NEURL1: variants seen among roughly 807,000 people sequenced by gnomAD.
The protein encoded by NEURL1 is neuralized E3 ubiquitin protein ligase 1.
Under a neutral mutation model 41.2 loss-of-function variants are expected in NEURL1, and 26 were observed. The ratio of observed to expected loss-of-function variants is 0.63; its 90% CI spans 0.46 to 0.87. The LOEUF (loss-of-function observed/expected upper bound fraction) is 0.87. Ranked by LOEUF, NEURL1 falls within the 40% of genes least tolerant of loss-of-function variation. The probability of loss-of-function intolerance (pLI) is 0.00; values close to 1 mark genes in which losing one functional copy is unlikely to be tolerated. For missense variants in NEURL1, 761 were observed against 871.1 expected (o/e 0.87, Z 1.59); for synonymous variants, 400 against 402.3 (o/e 0.99, Z 0.07).
At chr10:103,516,332 T>A (rs2034206376) in intron 1 of NEURL1, among the ~76,000 whole-genome samples, 1 of 151,308 alleles carries the variant, frequency 6.6e-6, no homozygotes, top group Admixed American at 6.6e-5. Context: ...CCAAGATTAT[T>A]CCTGGTGCCA....
intron 1 of NEURL1, among the ~76,000 whole-genome samples, chr10:103,520,078 C>T (rs1316717852): frequency 6.6e-6 from 1 of 152,186 alleles, no homozygotes; most frequent in African/African-American, 2.4e-5. Context: ...GCCACTGCTC[C>T]TGGCCCAGAT....
At position 103,549,899 on chromosome 10, in the gene NEURL1, G is replaced by A. The variant is rs141318317; in HGVS notation, c.86-20973G>A. 5.9e-3 allele frequency among the ~76,000 whole-genome samples: 898 copies of A among 152,354 alleles called. 6 individuals are homozygous for A. The highest frequency in any genetic ancestry group is 0.014 in the Middle Eastern group (4 of 294). On this transcript the variant is annotated intron_variant, in intron 1 of 5. Transcript: ENST00000369780. ...CTCCTTGCCTTCCACCCACTGTGTGGCCTTGGCAAAGTCTCTATCATTTAT... is the reference window on the plus strand; with the variant it reads ...CTCCTTGCCTTCCACCCACTGTGTGACCTTGGCAAAGTCTCTATCATTTAT...
rs1241420103 is a variant in NEURL1, at chr10:103,584,623, C to T, written c.737C>T (p.Ala246Val). 1 of 1,418,868 alleles carries T rather than the reference C, an allele frequency of 7.0e-7. No individual in the cohort carries two copies. The highest frequency in any genetic ancestry group is 9.2e-7 in the Non-Finnish European group (1 of 1,092,296). The allele number at this position is 1,418,868 out of a possible 1,614,324, so 87.9% of individuals were successfully genotyped here. ...TCGCTGCGGCGCGAGGCGGACGACGCGCGCCTCTCGGTGAGCCTATGCGAC... is the reference window on the plus strand; with the variant it reads ...TCGCTGCGGCGCGAGGCGGACGACGTGCGCCTCTCGGTGAGCCTATGCGAC... ...RPSLRREADD[A>V]RLSVSLCDLN... Residue 246 changes from alanine (A) to valine (V), a missense_variant, in exon 4 of 6, where the codon GCG (alanine) becomes GTG (valine). This residue lies in a region of NEURL1 where 114 missense variants were observed against 144.8 expected (regional missense o/e 0.79). Coordinates refer to ENST00000369780, the MANE Select transcript of NEURL1 (RefSeq NM_004210.5).
intron 4 of NEURL1, among the ~76,000 whole-genome samples, chr10:103,586,938 C>A (rs1233553324): frequency 3.3e-5 from 5 of 152,112 alleles, no homozygotes; most frequent in Admixed American, 1.3e-4. Flanking sequence ...GTAAGCCCAG[C>A]TACTCGGGAG....
chr10:103,584,470 C>G (rs573403822), intron 3 of NEURL1, 66 bp from the exon 4 acceptor site: 1 of 1,113,476 alleles, frequency 9.0e-7, no homozygotes, highest in East Asian at 3.2e-5. Flanking sequence ...AGGGACCGGA[C>G]AGCGGGGCGC....
chr10:103,502,955 G>A (rs2033857855), intron 1 of NEURL1, among the ~76,000 whole-genome samples: 1 of 152,226 alleles, frequency 6.6e-6, no homozygotes, highest in Non-Finnish European at 1.5e-5. Context: ...CCTTGGTAAC[G>A]CCTGGGAAAC....
chr10:103,557,165 C>T (rs1224868007), intron 1 of NEURL1, among the ~76,000 whole-genome samples: 1 of 152,138 alleles, frequency 6.6e-6, no homozygotes, highest in Non-Finnish European at 1.5e-5. Flanking sequence ...CGATGGTTCA[C>T]GCCTGCAATC....
At chr10:103,517,733 T>C (rs2034249630) in intron 1 of NEURL1, among the ~76,000 whole-genome samples, 1 of 152,222 alleles carries the variant, frequency 6.6e-6, no homozygotes, top group Admixed American at 6.5e-5. Context: ...CAGCAGCTCT[T>C]TGAGTGCTGG....
At position 103,508,709 on chromosome 10, in the gene NEURL1, C is replaced by T. The variant is rs892566792; in HGVS notation, c.85+14237C>T. 1.3e-5 allele frequency among the ~76,000 whole-genome samples: 2 copies of T among 152,102 alleles called. No homozygotes were observed. The highest frequency in any genetic ancestry group is 1.3e-4 in the Admixed American group (2 of 15,274). On this transcript the variant is annotated intron_variant, in intron 1 of 5. Coordinates refer to ENST00000369780, the MANE Select transcript of NEURL1 (RefSeq NM_004210.5). The surrounding 1 kb of genome is among the most constrained non-coding windows in gnomAD (Gnocchi z 4.3). ...ATGTGGGCCCAGGGGTTGGAGGAAG[C>T]GGTTGGGATAGGTCATGAGGGAGCA... is the stretch of plus-strand genomic sequence containing the variant.
At chr10:103,589,154 T>C (rs2035984988) in intron 4 of NEURL1, among the ~76,000 whole-genome samples, 1 of 152,012 alleles carries the variant, frequency 6.6e-6, no homozygotes, top group Admixed American at 6.6e-5. Flanking sequence ...GTAATATACA[T>C]GCTCCGGCCC....
intron 1 of NEURL1, among the ~76,000 whole-genome samples, chr10:103,567,387 A>G (rs910612178): frequency 2.6e-5 from 4 of 152,048 alleles, no homozygotes; most frequent in Non-Finnish European, 5.9e-5. Context: ...TTGGCTATTA[A>G]TGCCTTTTAA....
intron 3 of NEURL1, among the ~76,000 whole-genome samples, chr10:103,583,871 A>G (rs1592241887): frequency 6.6e-6 from 1 of 151,832 alleles, no homozygotes; most frequent in Non-Finnish European, 1.5e-5. Flanking sequence ...AATTTTCTAC[A>G]AAATACCGTT....
At chr10:103,518,950 A>G (rs1272322200) in intron 1 of NEURL1, among the ~76,000 whole-genome samples, 1 of 152,198 alleles carries the variant, frequency 6.6e-6, no homozygotes, top group Non-Finnish European at 1.5e-5. Flanking sequence ...TATTGCTTTT[A>G]CAGTTTAAAC....
intron 3 of NEURL1, among the ~76,000 whole-genome samples, chr10:103,575,006 TAAAG>T (rs2035629719): frequency 6.7e-6 from 1 of 149,032 alleles, no homozygotes; most frequent in African/African-American, 2.5e-5. Flanking sequence ...TTTTTTTTGG[TAAAG>T]AGAGAGAGGG....
chr10:103,584,127 C>G (rs958544712), intron 3 of NEURL1, among the ~76,000 whole-genome samples: 1 of 152,024 alleles, frequency 6.6e-6, no homozygotes, highest in African/African-American at 2.4e-5. Context: ...TCAGTGCACT[C>G]GACAGACGGT....
At chr10:103,516,191 G>A (rs1387717232) in intron 1 of NEURL1, among the ~76,000 whole-genome samples, 3 of 135,584 alleles carry the variant, frequency 2.2e-5, no homozygotes, top group African/African-American at 8.5e-5. Context: ...CTGCACGACT[G>A]CACTCCAGCC....
At chr10:103,570,540 G>A (rs2035516711) in intron 1 of NEURL1, among the ~76,000 whole-genome samples, 1 of 151,324 alleles carries the variant, frequency 6.6e-6, no homozygotes, top group Non-Finnish European at 1.5e-5. Flanking sequence ...TGGTAGTAAA[G>A]GTGATGTGCT....
chr10:103,554,350 C>T (rs1477152167), intron 1 of NEURL1, among the ~76,000 whole-genome samples: 1 of 152,182 alleles, frequency 6.6e-6, no homozygotes, highest in Non-Finnish European at 1.5e-5. Context: ...GTCTGGTGGT[C>T]AGTAGATGGC....
At chr10:103,587,915 A>G (rs2035955373) in intron 4 of NEURL1, among the ~76,000 whole-genome samples, 1 of 152,256 alleles carries the variant, frequency 6.6e-6, no homozygotes, top group Non-Finnish European at 1.5e-5. Context: ...TAGAATAACT[A>G]CAGATAAAAA....
Sources: allele counts gnomAD v4.1 joint callset (sites outside exome capture counted in the v4.1 genomes callset), GRCh38; gene constraint gnomAD v4.1.1; regional missense constraint gnomAD v4.1.1; non-coding constraint Gnocchi (gnomAD v3.1); transcripts MANE v1.5; gene names NCBI Gene and HGNC (gene_info 2026-07-23, HGNC 2026-07-21).